The following COA8 variants were observed in gnomAD, a reference collection of about 807,000 sequenced individuals.
The protein encoded by COA8 is cytochrome c oxidase assembly factor 8, also known as UPF0671 protein C14orf153.
In COA8, 20 loss-of-function variants were observed where a neutral mutation model predicts 22.0. The observed-to-expected ratio is 0.91, with a 90% CI of 0.64 to 1.32. The LOEUF (loss-of-function observed/expected upper bound fraction) is 1.32, where lower values mean the gene tolerates loss of function less well. COA8 is among the 40% of genes most tolerant of loss of function. COA8 has a pLI of 0.00. For missense variants in COA8, 266 were observed against 230.0 expected (o/e 1.16, Z -1.01); for synonymous variants, 105 against 79.9 (o/e 1.31, Z -1.68).
At chr14:103,574,381 G>A (rs764529317) in intron 3 of COA8, 21 of 721,514 alleles carry the variant, frequency 2.9e-5, no homozygotes, top group East Asian at 1.7e-4. Context: ...CTTTCTCTCC[G>A]GATTTTAGGT....
chr14:103,572,551 G>A lies in COA8; in HGVS notation c.321+731G>A, dbSNP rs185858544. Among the ~76,000 whole-genome samples, 42 of 152,124 alleles carry A rather than the reference G, an allele frequency of 2.8e-4. 1 individual carries two copies. Among genetic ancestry groups the A allele is most frequent in the Admixed American group, 1.7e-3 (26 of 15,262 alleles). On this transcript the variant is annotated intron_variant, in intron 2 of 4. Transcript: ENST00000409074. ...TTGAGAGCAGCCTGGCCAACGTAGCGAAACCTTATCTCTACTAAAAATATA... is the reference window on the plus strand; with the variant it reads ...TTGAGAGCAGCCTGGCCAACGTAGCAAAACCTTATCTCTACTAAAAATATA...
At chr14:103,589,764 A>T (rs1370441745) in intron 4 of COA8, among the ~76,000 whole-genome samples, 3 of 151,730 alleles carry the variant, frequency 2.0e-5, no homozygotes, top group Non-Finnish European at 4.4e-5. Flanking sequence ...AATACAAAAA[A>T]TTAGCCGGGT....
At chr14:103,563,454 C>A (rs1447153484) in intron 1 of COA8, 5 of 448,780 alleles carry the variant, frequency 1.1e-5, no homozygotes, top group Non-Finnish European at 2.1e-5. Context: ...GCTTACCGTG[C>A]GTTTTTTTTC....
At chr14:103,584,798 G>A (rs1361460328) in intron 3 of COA8, among the ~76,000 whole-genome samples, 1 of 152,128 alleles carries the variant, frequency 6.6e-6, no homozygotes, top group Non-Finnish European at 1.5e-5. Flanking sequence ...GGTTGTTCGT[G>A]TATCTTTTTT....
chr14:103,586,728 C>T (rs188508811), intron 3 of COA8, among the ~76,000 whole-genome samples: 24 of 151,854 alleles, frequency 1.6e-4, no homozygotes, highest in Non-Finnish European at 1.5e-5. Context: ...TCTGCCACCC[C>T]CCACCGGCCC....
At chr14:103,569,926 G>A (rs184506257) in intron 1 of COA8, among the ~76,000 whole-genome samples, 237 of 152,162 alleles carry the variant, frequency 1.6e-3, no homozygotes, top group African/African-American at 5.6e-3. Flanking sequence ...GTGCGATCTC[G>A]GCTCACTGCA....
At chr14:103,567,095 G>A (rs1311378680) in intron 1 of COA8, among the ~76,000 whole-genome samples, 1 of 152,128 alleles carries the variant, frequency 6.6e-6, no homozygotes, top group Admixed American at 6.5e-5. Context: ...TTTTTTGGCA[G>A]GGCGCGGTGG....
intron 3 of COA8, chr14:103,574,668 C>G (rs1005203626): frequency 8.8e-6 from 3 of 339,374 alleles, no homozygotes; most frequent in African/African-American, 6.5e-5. Context: ...AAGTGCCATT[C>G]CTACTAATCC....
chr14:103,590,226 A>G lies in COA8; in HGVS notation c.522A>G (p.Lys174=), dbSNP rs771772704. The G allele has an allele frequency of 1.2e-6, 2 of 1,614,046 alleles. No homozygotes were observed. Among genetic ancestry groups the G allele is most frequent in the African/African-American group, 2.7e-5 (2 of 74,948 alleles). ...RNFAITFFMG[K]VALERIWNKL... The stretch of plus-strand genomic sequence containing the variant: ...TTGCCATCACCTTCTTCATGGGAAA[A>G]GTGGCCCTGGAAAGGATTTGGAACA... Residue 174 remains lysine, a synonymous_variant, in exon 5 of 5, where the codon AAA becomes AAG. Coordinates refer to ENST00000409074, the MANE Select transcript of COA8 (RefSeq NM_001370595.2).
chr14:103,585,632 G>T (rs1199317695), intron 3 of COA8, among the ~76,000 whole-genome samples: 1 of 139,906 alleles, frequency 7.1e-6, no homozygotes, highest in African/African-American at 2.7e-5. Flanking sequence ...CTGGAGTGCA[G>T]TGGTGTGAAC....
chr14:103,581,502 CAGAA>C lies in COA8; in HGVS notation c.386-5771_386-5768del, dbSNP rs1412397397. On this transcript the variant is annotated intron_variant, in intron 3 of 4. Coordinates refer to ENST00000409074, the MANE Select transcript of COA8 (RefSeq NM_001370595.2). The surrounding 1 kb of genome is among the most constrained non-coding windows in gnomAD (Gnocchi z 4.1). Reference sequence around the variant, plus strand: ...CCTTGGGAGGTTTCATCACGCTACTCAGAACAGCATGCAGTTCAAAACTTATGAC... The same window carrying C: ...CCTTGGGAGGTTTCATCACGCTACTCCAGCATGCAGTTCAAAACTTATGAC... 2 of 397,010 alleles carry C rather than the reference CAGAA, an allele frequency of 5.0e-6. No homozygotes were observed. Among genetic ancestry groups the C allele is most frequent in the African/African-American group, 2.1e-5 (1 of 48,566 alleles). 24.6% of individuals were successfully genotyped at this position (397,010 alleles called of 1,614,324 possible). A position where few individuals can be genotyped will look rare whatever the true frequency, so the allele number is the denominator to read the frequency against.
intron 3 of COA8, among the ~76,000 whole-genome samples, chr14:103,586,464 T>C (rs954250039): frequency 2.0e-5 from 3 of 151,958 alleles, no homozygotes; most frequent in Admixed American, 6.6e-5. Context: ...TGCCTCAGCT[T>C]CCCAAGTAGC....
chr14:103,587,295 C>T lies in COA8; in HGVS notation c.407C>T (p.Ala136Val), dbSNP rs1433109491. 1 of 1,613,094 alleles carries T rather than the reference C, an allele frequency of 6.2e-7. No homozygotes were observed. The highest frequency in any genetic ancestry group is 1.3e-5 in the African/African-American group (1 of 74,884). The change falls in exon 4 of 5, where the codon GCA becomes GTA. Residue 136 changes from alanine (A) to valine (V), a missense_variant. Coordinates refer to ENST00000409074, the MANE Select transcript of COA8 (RefSeq NM_001370595.2). ...TCAGGTCAGAAAGCAACATTGAATG[C>T]AGAAGAAATGGCGGACTTCTACAAG... The part of the protein sequence containing the change: ...TESGQKATLN[A>V]EEMADFYKEF...
At position 103,571,745 on chromosome 14, in the gene COA8, G is replaced by A; in HGVS notation, c.246G>A (p.Lys82=). 1.2e-6 allele frequency: 2 copies of A among 1,614,140 alleles called. No homozygotes were observed. The highest frequency in any genetic ancestry group is 1.7e-6 in the Non-Finnish European group (2 of 1,180,010). The change falls in exon 2 of 5, where the codon AAG becomes AAA. Residue 82 remains lysine (K), a synonymous_variant. Transcript: ENST00000409074. Reference sequence around the variant, plus strand: ...AAAATGAATCTCCATTGGAACAAAAGCTTAGAAAATTAAGACAAGAAACAC... The same window carrying A: ...AAAATGAATCTCCATTGGAACAAAAACTTAGAAAATTAAGACAAGAAACAC... ...IPENESPLEQ[K]LRKLRQETQE...
At chr14:103,586,102 C>T (rs1245790137) in intron 3 of COA8, among the ~76,000 whole-genome samples, 18 of 150,870 alleles carry the variant, frequency 1.2e-4, no homozygotes, top group Non-Finnish European at 7.4e-5. Flanking sequence ...TGTTTCAGCA[C>T]GTTGGCCAGG....
chr14:103,579,912 G>A (rs2076254675), intron 3 of COA8, among the ~76,000 whole-genome samples: 1 of 139,568 alleles, frequency 7.2e-6, no homozygotes, highest in Non-Finnish European at 1.5e-5. Context: ...GCAGTGAGCC[G>A]AGATCATGCC....
intron 1 of COA8, among the ~76,000 whole-genome samples, chr14:103,568,611 ATGTGTGTGTG>A (rs200970154): frequency 4.9e-3 from 443 of 90,560 alleles, no homozygotes; most frequent in Non-Finnish European, 7.6e-3. Context: ...GTATATATAT[ATGTGTGTGTG>A]TATATATATA....
In COA8 at chr14:103,590,406, C is replaced by G; in HGVS notation, c.*120C>G. The stretch of plus-strand genomic sequence containing the variant: ...AGAAGCCCCACATCTTCCTAAGGGG[C>G]CCCATGGCCTGTTTGGGGGCAGGGT... On this transcript the variant is annotated 3_prime_UTR_variant, in exon 5 of 5. Coordinates refer to ENST00000409074, the MANE Select transcript of COA8 (RefSeq NM_001370595.2). 2.1e-6 allele frequency: 2 copies of G among 965,746 alleles called. No homozygotes were observed. The highest frequency in any genetic ancestry group is 3.1e-6 in the Non-Finnish European group (2 of 655,174). The allele number at this position is 965,746 out of a possible 1,614,324, so 59.8% of individuals were successfully genotyped here.
At chr14:103,580,246 TAAA>T (rs201431253) in intron 3 of COA8, among the ~76,000 whole-genome samples, 1 of 151,630 alleles carries the variant, frequency 6.6e-6, no homozygotes, top group African/African-American at 2.4e-5. Flanking sequence ...CTCGCTAATT[TAAA>T]AAAAAATTTT....
Sources: gnomAD v4.1 joint callset for allele counts (sites outside exome capture counted in the v4.1 genomes callset) on GRCh38, gnomAD v4.1.1 for gene constraint, Gnocchi (gnomAD v3.1) non-coding constraint, MANE v1.5 for transcripts, NCBI Gene and HGNC (gene_info 2026-07-23, HGNC 2026-07-21) for gene names.